The following NEGR1 variants were observed in gnomAD, a reference collection of about 807,000 sequenced individuals.
NEGR1 encodes neuronal growth regulator 1, also known as IgLON family member 4.
NEGR1 carries 10 observed loss-of-function variants against 40.9 expected under a neutral mutation model. The ratio of observed to expected loss-of-function variants is 0.24; its 90% CI spans 0.15 to 0.42. NEGR1 has a LOEUF of 0.42. Among genes scored for constraint, NEGR1 ranks in the 10% least tolerant of loss-of-function variants. The probability of loss-of-function intolerance (pLI) is 1.00; values close to 1 mark genes in which losing one functional copy is unlikely to be tolerated. For missense variants in NEGR1, 352 were observed against 438.9 expected (o/e 0.80, Z 1.77); for synonymous variants, 185 against 166.8 (o/e 1.11, Z -0.84).
At chr1:72,204,545 T>C (rs1158527854) in intron 1 of NEGR1, among the ~76,000 whole-genome samples, 6 of 152,172 alleles carry the variant, frequency 3.9e-5, no homozygotes, top group Admixed American at 3.9e-4. Flanking sequence ...AGAAATACTG[T>C]TGGTGCTTTG....
chr1:71,828,082 A>G (rs541035689), intron 2 of NEGR1, among the ~76,000 whole-genome samples: 7 of 152,096 alleles, frequency 4.6e-5, no homozygotes, highest in African/African-American at 1.7e-4. Flanking sequence ...ATTATCCCAT[A>G]TAATACTGTG....
chr1:71,732,317 T>A (rs1654902161), intron 3 of NEGR1, among the ~76,000 whole-genome samples: 1 of 151,974 alleles, frequency 6.6e-6, no homozygotes, highest in South Asian at 2.1e-4. Context: ...TGAGACCTTA[T>A]CTAAAACAAA....
At chr1:71,708,725 T>C (rs537000095) in intron 3 of NEGR1, among the ~76,000 whole-genome samples, 1 of 152,204 alleles carries the variant, frequency 6.6e-6, no homozygotes, top group South Asian at 2.1e-4. Context: ...CAGCATCCAT[T>C]AGCTATTCTT....
intron 1 of NEGR1, among the ~76,000 whole-genome samples, chr1:72,236,605 C>G (rs867141101): frequency 1.1e-4 from 16 of 151,836 alleles, no homozygotes; most frequent in Middle Eastern, 3.4e-3. Flanking sequence ...TCAGTATTGC[C>G]TACTAGTTGT....
At chr1:72,005,569 G>T (rs1194604909) in intron 1 of NEGR1, among the ~76,000 whole-genome samples, 1 of 152,056 alleles carries the variant, frequency 6.6e-6, no homozygotes, top group African/African-American at 2.4e-5. Context: ...TTTGACATTT[G>T]TAAAAGAGTA....
intron 4 of NEGR1, among the ~76,000 whole-genome samples, chr1:71,684,991 C>T (rs1228960990): frequency 6.6e-6 from 1 of 151,972 alleles, no homozygotes; most frequent in Non-Finnish European, 1.5e-5. Context: ...CTTCATTTTG[C>T]TTTAGGTTTG....
At position 72,111,679 on chromosome 1, in the gene NEGR1, G is replaced by A. The variant is rs534776068; in HGVS notation, c.176+170640C>T. ...ATGAATATTAATTTCTTTCCTTTTC[G>A]AAATGAGAATTTTGAAATTCTCATA... is the stretch of plus-strand genomic sequence containing the variant. On this transcript the variant is annotated intron_variant, in intron 1 of 6. Coordinates refer to ENST00000357731, the MANE Select transcript of NEGR1 (RefSeq NM_173808.3). Among the ~76,000 whole-genome samples, 77 of 151,690 alleles carry A rather than the reference G, an allele frequency of 5.1e-4. 1 individual carries two copies. The highest frequency in any genetic ancestry group is 1.8e-3 in the African/African-American group (75 of 41,422).
rs568793148 is a variant in NEGR1, at chr1:71,845,439, A to G, written c.410-69142T>C. On this transcript the variant is annotated intron_variant, in intron 2 of 6. Coordinates refer to ENST00000357731, the MANE Select transcript of NEGR1 (RefSeq NM_173808.3). Reference sequence around the variant, plus strand: ...AACAAAGTCCCACATAATGGACTCCATGAAGACTTTTGTTCTCAGGGGAAA... The same window carrying G: ...AACAAAGTCCCACATAATGGACTCCGTGAAGACTTTTGTTCTCAGGGGAAA... 6.6e-5 allele frequency among the ~76,000 whole-genome samples: 10 copies of G among 152,288 alleles called. No individual in the cohort carries two copies. The South Asian group carries it at 2.1e-3, about 32-fold the overall frequency.
At chr1:72,086,671 T>C (rs1648233193) in intron 1 of NEGR1, among the ~76,000 whole-genome samples, 1 of 152,234 alleles carries the variant, frequency 6.6e-6, no homozygotes, top group Admixed American at 6.5e-5. Context: ...GTTTCCTTTA[T>C]AATAAGTGTT....
chr1:71,639,668 A>G (rs887013991), intron 4 of NEGR1, among the ~76,000 whole-genome samples: 3 of 152,040 alleles, frequency 2.0e-5, no homozygotes, highest in Non-Finnish European at 4.4e-5. Flanking sequence ...GTCACCAGCC[A>G]TTACTCACTT....
intron 1 of NEGR1, among the ~76,000 whole-genome samples, chr1:72,098,663 T>A (rs373420790): frequency 6.6e-6 from 1 of 152,180 alleles, no homozygotes; most frequent in Non-Finnish European, 1.5e-5. Flanking sequence ...CTATTTTGAG[T>A]ATCTACAAAG....
chr1:71,567,662 A>G (rs1177313941), intron 6 of NEGR1, among the ~76,000 whole-genome samples: 1 of 152,080 alleles, frequency 6.6e-6, no homozygotes, highest in Non-Finnish European at 1.5e-5. Flanking sequence ...TGATTTCTGT[A>G]TTGTTCAGCT....
At chr1:72,067,459 A>C (rs1037894066) in intron 1 of NEGR1, among the ~76,000 whole-genome samples, 1 of 152,152 alleles carries the variant, frequency 6.6e-6, no homozygotes, top group Non-Finnish European at 1.5e-5. Context: ...TTAACTACAG[A>C]AAAATAATTG....
chr1:71,538,297 G>GT (rs2101453395), intron 6 of NEGR1, among the ~76,000 whole-genome samples: 1 of 151,722 alleles, frequency 6.6e-6, no homozygotes, highest in South Asian at 2.1e-4. Context: ...AAATTGTTCA[G>GT]TATCAAAACA....
intron 6 of NEGR1, among the ~76,000 whole-genome samples, chr1:71,538,025 T>C (rs1267291290): frequency 6.6e-6 from 1 of 151,732 alleles, no homozygotes; most frequent in Non-Finnish European, 1.5e-5. Flanking sequence ...AGCAAAGGGA[T>C]AGTTTTAATT....
At chr1:71,635,335 A>C (rs1293062506) in intron 4 of NEGR1, among the ~76,000 whole-genome samples, 2 of 152,088 alleles carry the variant, frequency 1.3e-5, no homozygotes, top group Non-Finnish European at 1.5e-5. Flanking sequence ...AAACTAAAAC[A>C]ATCTATCACT....
intron 1 of NEGR1, among the ~76,000 whole-genome samples, chr1:72,160,550 T>C (rs1651519860): frequency 6.6e-6 from 1 of 152,112 alleles, no homozygotes; most frequent in African/African-American, 2.4e-5. Context: ...CAGAAATAAG[T>C]CAAATAGTTC....
chr1:72,279,469 T>TA (rs1185135621), intron 1 of NEGR1, among the ~76,000 whole-genome samples: 3 of 148,176 alleles, frequency 2.0e-5, no homozygotes, highest in African/African-American at 7.3e-5. Context: ...AGGAATATGT[T>TA]ACATTAAAAA....
chr1:71,595,062 C>T (rs980884122), intron 5 of NEGR1, among the ~76,000 whole-genome samples: 1 of 152,196 alleles, frequency 6.6e-6, no homozygotes, highest in Non-Finnish European at 1.5e-5. Context: ...GTCTTTCTGT[C>T]TTTCTGGGTG....
Sources: allele counts gnomAD v4.1 joint callset (sites outside exome capture counted in the v4.1 genomes callset), GRCh38; gene constraint gnomAD v4.1.1; transcripts MANE v1.5; gene names NCBI Gene and HGNC (gene_info 2026-07-23, HGNC 2026-07-21).